The following MAPK8IP3 variants were observed in gnomAD, a reference collection of about 807,000 sequenced individuals.
MAPK8IP3 encodes the protein C-Jun-amino-terminal kinase-interacting protein 3.
Under a neutral mutation model 157.8 loss-of-function variants are expected in MAPK8IP3, and 49 were observed. That is an observed-to-expected ratio of 0.31 (90% CI 0.25 to 0.39). MAPK8IP3 has a LOEUF of 0.39. Among genes scored for constraint, MAPK8IP3 ranks in the 10% least tolerant of loss-of-function variants. The probability of loss-of-function intolerance (pLI) is 1.00; values close to 1 mark genes in which losing one functional copy is unlikely to be tolerated. For synonymous variants in MAPK8IP3, 897 were observed against 777.7 expected (o/e 1.15, Z -2.55); for missense variants, 1,478 against 1,889.4 (o/e 0.78, Z 4.04).
rs2294617 is a variant in MAPK8IP3 at position 1,763,018 on chromosome 16, G to A, written c.1898+12G>A. 7,745 of 1,612,328 alleles carry A rather than the reference G, an allele frequency of 4.8e-3. 337 individuals are homozygous for A. The East Asian group carries it at 0.1, about 21-fold the overall frequency. ...TTCTTCCCTGACGAGTGAGTGTCCC[G>A]CAGCCCCCACTTGTGGCCTGCAATG... is the stretch of plus-strand genomic sequence containing the variant. On this transcript the variant is annotated intron_variant, in intron 16 of 31. Coordinates refer to ENST00000610761, the MANE Select transcript of MAPK8IP3 (RefSeq NM_001318852.2).
intron 4 of MAPK8IP3, among the ~76,000 whole-genome samples, chr16:1,739,137 C>T (rs1334006951): frequency 2.4e-4 from 28 of 114,708 alleles, no homozygotes; most frequent in Non-Finnish European, 4.3e-4. Context: ...AGCGTGTGAC[C>T]GTCCGTGTGT....
Position 1,718,792 on chromosome 16 carries a change from A to C in MAPK8IP3, c.319-5765A>C, listed in dbSNP as rs941397873. ...TGGGCAACAGAACCATCTCAAAAAA[A>C]AAAAAAAGAATGTTCCAGCATCCAC... On this transcript the variant is annotated intron_variant, in intron 1 of 31. Transcript: ENST00000610761. Among the ~76,000 whole-genome samples the C allele has an allele frequency of 1.1e-3, 169 of 152,084 alleles. 1 individual carries two copies. Among genetic ancestry groups the C allele is most frequent in the Non-Finnish European group, 2.0e-3 (134 of 67,952 alleles).
At chr16:1,744,775 C>G (rs912295015) in intron 5 of MAPK8IP3, 3 of 985,394 alleles carry the variant, frequency 3.0e-6, no homozygotes, top group Middle Eastern at 5.2e-4. Context: ...CCTGCGTTGT[C>G]TGACATCGTC....
intron 1 of MAPK8IP3, among the ~76,000 whole-genome samples, chr16:1,709,061 G>A (rs952012998): frequency 2.0e-4 from 30 of 152,172 alleles, no homozygotes; most frequent in African/African-American, 6.8e-4. Context: ...CAGAAGCTCC[G>A]TCCCCAGCCA....
At chr16:1,753,404 G>A (rs2041406510) in intron 8 of MAPK8IP3, among the ~76,000 whole-genome samples, 1 of 152,036 alleles carries the variant, frequency 6.6e-6, no homozygotes, top group African/African-American at 2.4e-5. Context: ...TTACAGGTGT[G>A]AGCCACTGCA....
chr16:1,718,228 G>C lies in MAPK8IP3; in HGVS notation c.319-6329G>C, dbSNP rs1437212446. On this transcript the variant is annotated intron_variant, in intron 1 of 31. Transcript: ENST00000610761. ...AAGCAGAGTTTCACTCTTGTCACTC[G>C]GGCTGGAGTGCAATGTCATGGCCTC... Among the ~76,000 whole-genome samples the C allele has an allele frequency of 2.1e-5, 3 of 144,022 alleles. No individual in the cohort carries two copies. In the South Asian group the frequency reaches 6.6e-4, roughly 32 times the overall value. 94.5% of individuals were successfully genotyped at this position (144,022 alleles called of 152,430 possible).
intron 12 of MAPK8IP3, among the ~76,000 whole-genome samples, 178 bp from the exon 13 acceptor site, chr16:1,761,046 G>T (rs1451709141): frequency 6.6e-6 from 1 of 152,226 alleles, no homozygotes; most frequent in African/African-American, 2.4e-5. Context: ...TGTCCCCAGG[G>T]AACTGGAAGA....
rs1472722954 is a variant in MAPK8IP3, at chr16:1,766,145, G to A, written c.2629+3G>A. 1.2e-5 allele frequency: 20 copies of A among 1,607,624 alleles called. No individual in the cohort carries two copies. Among genetic ancestry groups the A allele is most frequent in the Non-Finnish European group, 1.7e-5 (20 of 1,176,432 alleles). On this transcript the variant is annotated splice_donor_region_variant and intron_variant, in intron 21 of 31. Transcript: ENST00000610761. ...CCCAGTGCTAGACAAGGGGCAGGGT[G>A]AGTCCTGGGCGAGTTTCCCCCATCC...
In MAPK8IP3 at chr16:1,764,163, G is replaced by T; in HGVS notation, c.2074G>T (p.Val692Leu). Residue 692 changes from valine to leucine, a missense_variant, in exon 18 of 32, where the codon GTG (valine) becomes TTG (leucine). Coordinates refer to ENST00000610761, the MANE Select transcript of MAPK8IP3 (RefSeq NM_001318852.2). ...GGACACGCGGATGAAGAACGTGCCG[G>T]TGCCGGTGTACTGCCGCCCTCTGGT... The part of the protein sequence containing the change: ...QEDTRMKNVP[V>L]PVYCRPLVEK... 1.2e-5 allele frequency: 19 copies of T among 1,611,826 alleles called. No individual in the cohort carries two copies. Among genetic ancestry groups the T allele is most frequent in the Non-Finnish European group, 1.6e-5 (19 of 1,179,568 alleles).
chr16:1,730,441 TA>T (rs1035383497), intron 4 of MAPK8IP3, among the ~76,000 whole-genome samples: 16 of 150,182 alleles, frequency 1.1e-4, no homozygotes, highest in African/African-American at 3.9e-4. Context: ...CCATCTCTAT[TA>T]AAAATACAAA....
intron 1 of MAPK8IP3, among the ~76,000 whole-genome samples, chr16:1,721,775 T>A (rs1399866349): frequency 6.6e-6 from 1 of 151,682 alleles, no homozygotes; most frequent in African/African-American, 2.4e-5. Flanking sequence ...TGTTTTGTTT[T>A]GTTTTGTTTT....
Position 1,767,744 on chromosome 16 carries a change from C to A in MAPK8IP3, c.3409+9C>A. The A allele has an allele frequency of 6.2e-7, 1 of 1,612,396 alleles. No individual in the cohort carries two copies. Among genetic ancestry groups the A allele is most frequent in the Non-Finnish European group, 8.5e-7 (1 of 1,179,800 alleles). On this transcript the variant is annotated intron_variant, in intron 27 of 31. Coordinates refer to ENST00000610761, the MANE Select transcript of MAPK8IP3 (RefSeq NM_001318852.2). ...CGTCAGCAAGATGCTAGGTGAGGGG[C>A]CACGCCAGATGGGGTGGTGGGGTGC... is the stretch of plus-strand genomic sequence containing the variant.
chr16:1,758,631 G>A (rs2041758079), intron 9 of MAPK8IP3, among the ~76,000 whole-genome samples: 1 of 152,010 alleles, frequency 6.6e-6, no homozygotes, highest in African/African-American at 2.4e-5. Context: ...TCCAGATGCA[G>A]CCCCCCAGCC....
At chr16:1,752,263 C>T (rs1369742483) in intron 8 of MAPK8IP3, 7 of 170,962 alleles carry the variant, frequency 4.1e-5, no homozygotes, top group Admixed American at 1.3e-4. Context: ...AGTCACTGTG[C>T]GCTCCACGAT....
chr16:1,709,044 C>T (rs1220000954), intron 1 of MAPK8IP3, among the ~76,000 whole-genome samples: 1 of 152,200 alleles, frequency 6.6e-6, no homozygotes, highest in Non-Finnish European at 1.5e-5. Flanking sequence ...CCTGGGTGAG[C>T]TGTCAGCAGA....
At chr16:1,707,643 CA>C in intron 1 of MAPK8IP3, 1 of 152,372 alleles carries the variant, frequency 6.6e-6, no homozygotes, top group East Asian at 1.9e-4. Context: ...GAAACAGGTT[CA>C]GGGAGGCTGG....
chr16:1,738,251 CGT>C (rs1360848262), intron 4 of MAPK8IP3, among the ~76,000 whole-genome samples: 5 of 77,154 alleles, frequency 6.5e-5, no homozygotes, highest in African/African-American at 1.7e-4. Context: ...TTTGAGCATC[CGT>C]GTGAGCGTGT....
chr16:1,756,281 G>A (rs1321242171), intron 8 of MAPK8IP3, among the ~76,000 whole-genome samples: 3 of 152,232 alleles, frequency 2.0e-5, no homozygotes, highest in East Asian at 1.9e-4. Flanking sequence ...TGCCTGCCAA[G>A]GCAGGTGGAT....
chr16:1,717,238 A>C (rs914065865), intron 1 of MAPK8IP3, among the ~76,000 whole-genome samples: 8 of 147,682 alleles, frequency 5.4e-5, no homozygotes, highest in Non-Finnish European at 1.2e-4. Context: ...TCCATCTCAA[A>C]AAAAAAAAAA....
Sources: gnomAD v4.1 joint callset for allele counts (sites outside exome capture counted in the v4.1 genomes callset) on GRCh38, gnomAD v4.1.1 for gene constraint, MANE v1.5 for transcripts, NCBI Gene and HGNC (gene_info 2026-07-23, HGNC 2026-07-21) for gene names.